OPRM1: variants seen among roughly 807,000 people sequenced by gnomAD.
OPRM1 encodes opioid receptor mu 1.
OPRM1 carries 27 observed loss-of-function variants against 31.8 expected under a neutral mutation model. The ratio of observed to expected loss-of-function variants is 0.85; its 90% CI spans 0.63 to 1.17. The LOEUF (loss-of-function observed/expected upper bound fraction) is 1.17, where lower values mean the gene tolerates loss of function less well. Ranked by LOEUF, OPRM1 falls within the 50% of genes most tolerant of loss-of-function variation. The pLI, the probability that OPRM1 is intolerant of heterozygous loss-of-function variation, is 0.00. For synonymous variants in OPRM1, 196 were observed against 189.9 expected (o/e 1.03, Z -0.26); for missense variants, 536 against 511.1 (o/e 1.05, Z -0.47).
chr6:154,168,026 C>T lies in OPRM1; in HGVS notation c.1164+76554C>T. 4 of 1,611,354 alleles carry T rather than the reference C, an allele frequency of 2.5e-6. No homozygotes were observed. Among genetic ancestry groups the T allele is most frequent in the Non-Finnish European group, 3.4e-6 (4 of 1,177,994 alleles). On this transcript the variant is annotated intron_variant, in intron 3 of 3. Coordinates refer to the OPRM1 transcript ENST00000337049. This position sits in a 1 kb window ranked among gnomAD's most constrained non-coding sequence, Gnocchi z 4.1. The stretch of plus-strand genomic sequence containing the variant: ...TCTCAACTCCTTTTTAGTCGAAGGT[C>T]GTCGGTCCCCAAGAGGAGATAGACT...
intron 3 of OPRM1, among the ~76,000 whole-genome samples, chr6:154,164,868 T>C (rs1799304323): frequency 6.6e-6 from 1 of 152,202 alleles, no homozygotes. Context: ...AATATCTGTA[T>C]TTAGTGTACA....
At chr6:154,172,526 C>T (rs1290562210) in intron 3 of OPRM1, among the ~76,000 whole-genome samples, 1 of 152,224 alleles carries the variant, frequency 6.6e-6, no homozygotes, top group East Asian at 1.9e-4. Flanking sequence ...CCCATGGAGC[C>T]TTGCTTGCTG....
chr6:154,125,020 A>G lies in OPRM1; in HGVS notation c.*6299A>G, dbSNP rs1265807223. ...CCAAAGGCCACAGCCAAGCACAAGC[A>G]GCTACATTAGACAGTTTTACAGCTC... On this transcript the variant is annotated 3_prime_UTR_variant, in exon 4 of 4. Transcript: ENST00000330432. 6.6e-6 allele frequency among the ~76,000 whole-genome samples: 1 copy of G among 152,098 alleles called. No individual in the cohort carries two copies. The highest frequency in any genetic ancestry group is 1.5e-5 in the Non-Finnish European group (1 of 68,034).
chr6:154,056,391 G>A (rs889868939), intron 1 of OPRM1, among the ~76,000 whole-genome samples: 1 of 151,686 alleles, frequency 6.6e-6, no homozygotes, highest in African/African-American at 2.4e-5. Context: ...CAAAGTGCTG[G>A]GATTACAGGC....
chr6:154,185,566 T>C (rs1023594479), intron 3 of OPRM1, among the ~76,000 whole-genome samples: 3 of 152,244 alleles, frequency 2.0e-5, no homozygotes, highest in Non-Finnish European at 4.4e-5. Flanking sequence ...GCTATAGATT[T>C]GGCTTTGATT....
At chr6:154,179,788 A>C (rs1220518463) in intron 3 of OPRM1, among the ~76,000 whole-genome samples, 1 of 152,216 alleles carries the variant, frequency 6.6e-6, no homozygotes, top group East Asian at 1.9e-4. Context: ...AGTTAAGAAT[A>C]AAAGTTCACT....
intron 1 of OPRM1, among the ~76,000 whole-genome samples, chr6:154,047,615 G>A (rs554385538): frequency 6.6e-6 from 1 of 152,318 alleles, no homozygotes; most frequent in South Asian, 2.1e-4. Context: ...AATGGATAGG[G>A]CTTTCCCATA....
In OPRM1 at chr6:154,021,194, C is replaced by T. The variant is rs78740133; in HGVS notation, c.-1+10176C>T. The stretch of plus-strand genomic sequence containing the variant: ...TTTTGCGTGTGAACATCCCATTGTT[C>T]AGCACCATTTGTTGAAAACTTACTT... On this transcript the variant is annotated intron_variant, in intron 1 of 5. Coordinates refer to the OPRM1 transcript ENST00000434900. Among the ~76,000 whole-genome samples, 60 of 152,286 alleles carry T rather than the reference C, an allele frequency of 3.9e-4. 1 individual carries two copies. In the East Asian group the frequency reaches 0.011, roughly 28 times the overall value.
Position 154,039,272 on chromosome 6 carries a change from G to A in OPRM1, c.-273G>A, listed in dbSNP as rs778146178. ...CCTTCCAGCCTCCGAATCCCGCATG[G>A]CCCACGCTCCCCTCCTGCAGCGGTG... On this transcript the variant is annotated 5_prime_UTR_variant, in exon 1 of 4. Transcript: ENST00000330432. 1.9e-6 allele frequency: 3 copies of A among 1,551,482 alleles called. No individual in the cohort carries two copies. Among genetic ancestry groups the A allele is most frequent in the South Asian group, 2.4e-5 (2 of 84,036 alleles).
At chr6:154,235,858 C>A (rs912129903) in intron 3 of OPRM1, among the ~76,000 whole-genome samples, 7 of 152,098 alleles carry the variant, frequency 4.6e-5, no homozygotes, top group Non-Finnish European at 1.0e-4. Flanking sequence ...TACCTCACAG[C>A]CATTAGGATG....
At chr6:154,042,592 G>T (rs1015757303) in intron 1 of OPRM1, among the ~76,000 whole-genome samples, 9 of 152,152 alleles carry the variant, frequency 5.9e-5, no homozygotes, top group Middle Eastern at 3.4e-3. Flanking sequence ...TTAACTCTTT[G>T]GTTCTGTTTG....
chr6:154,195,574 C>T (rs1285252794), intron 3 of OPRM1, among the ~76,000 whole-genome samples: 1 of 152,118 alleles, frequency 6.6e-6, no homozygotes, highest in African/African-American at 2.4e-5. Context: ...TTTCCATCCC[C>T]TTTACCCACG....
rs1470080030 is a variant in OPRM1, at chr6:154,126,199, AAAAAAG to A, written c.*7480_*7485del. Among the ~76,000 whole-genome samples, 1 of 152,228 alleles carries A rather than the reference AAAAAAG, an allele frequency of 6.6e-6. No homozygotes were observed. The highest frequency in any genetic ancestry group is 1.5e-5 in the Non-Finnish European group (1 of 68,040). ...ACAGAAGATATAGGAGAAGAGAAAA[AAAAAAG>A]AGGAAATAAAGAAGACAACTCTTTT... On this transcript the variant is annotated 3_prime_UTR_variant, in exon 4 of 4. Coordinates refer to ENST00000330432, the MANE Select transcript of OPRM1 (RefSeq NM_000914.5).
chr6:154,107,270 A>T (rs1306326315), intron 3 of OPRM1, among the ~76,000 whole-genome samples: 2 of 152,184 alleles, frequency 1.3e-5, no homozygotes, highest in African/African-American at 4.8e-5. Context: ...AATTAAACTG[A>T]TTTTAACCAT....
At chr6:154,041,533 G>A (rs756144111) in intron 1 of OPRM1, among the ~76,000 whole-genome samples, 4 of 152,062 alleles carry the variant, frequency 2.6e-5, no homozygotes, top group Non-Finnish European at 5.9e-5. Context: ...GATTATCTAT[G>A]CTAAGTAAAT....
At chr6:154,242,556 C>G (rs930493424) in intron 3 of OPRM1, among the ~76,000 whole-genome samples, 1 of 152,088 alleles carries the variant, frequency 6.6e-6, no homozygotes, top group African/African-American at 2.4e-5. Context: ...GCAAGTCTGA[C>G]AAGCAAGTAC....
intron 3 of OPRM1, among the ~76,000 whole-genome samples, chr6:154,184,141 G>T (rs1459457776): frequency 6.6e-6 from 1 of 151,510 alleles, no homozygotes; most frequent in Admixed American, 6.6e-5. Context: ...TTGAAGAATT[G>T]CTTGGTCCAA....
Position 154,039,732 on chromosome 6 carries a change from G to T in OPRM1, c.188G>T (p.Gly63Val), listed in dbSNP as rs9282817. 103 of 1,610,262 alleles carry T rather than the reference G, an allele frequency of 6.4e-5. No homozygotes were observed. In the African/African-American group the frequency reaches 1.2e-3, roughly 19 times the overall value. The stretch of plus-strand genomic sequence containing the variant: ...AGAGACAGCCTGTGCCCTCCGACCG[G>T]CAGTCCCTCCATGATCACGGCCATC... ...GGRDSLCPPT[G>V]SPSMITAITI... Residue 63 changes from glycine to valine, a missense_variant, in exon 1 of 4, where the codon GGC becomes GTC. Physicochemically the swap from Gly to Val is moderately radical, Grantham distance 109. Transcript: ENST00000330432.
At chr6:154,084,953 T>C (rs12332951) in intron 1 of OPRM1, among the ~76,000 whole-genome samples, 133 of 136,052 alleles carry the variant, frequency 9.8e-4, no homozygotes, top group African/African-American at 3.7e-3. Flanking sequence ...CACACACACA[T>C]GCTGGATTCT....
Sources: allele counts gnomAD v4.1 joint callset (sites outside exome capture counted in the v4.1 genomes callset), GRCh38; gene constraint gnomAD v4.1.1; non-coding constraint Gnocchi (gnomAD v3.1); transcripts MANE v1.5; gene names NCBI Gene and HGNC (gene_info 2026-07-23, HGNC 2026-07-21).